CAMTA1: variants seen among roughly 807,000 people sequenced by gnomAD.
CAMTA1 encodes the protein calmodulin binding transcription activator 1, also known as calmodulin-binding transcription activator 1.
CAMTA1 carries 27 observed loss-of-function variants against 170.9 expected under a neutral mutation model. That is an observed-to-expected ratio of 0.16 (90% CI 0.12 to 0.22). The LOEUF is 0.22. Ranked by LOEUF, CAMTA1 falls within the 10% of genes least tolerant of loss-of-function variation. The probability of loss-of-function intolerance (pLI) is 1.00; values close to 1 mark genes in which losing one functional copy is unlikely to be tolerated. For synonymous variants in CAMTA1, 833 were observed against 891.5 expected (o/e 0.93, Z 1.17); for missense variants, 1,619 against 2,217.2 (o/e 0.73, Z 5.42).
chr1:6,836,880 G>A (rs1383717118), intron 3 of CAMTA1, among the ~76,000 whole-genome samples: 2 of 152,086 alleles, frequency 1.3e-5, no homozygotes, highest in East Asian at 1.9e-4. Flanking sequence ...CCCAGGCCAA[G>A]CCTCTTGAGG....
intron 6 of CAMTA1, among the ~76,000 whole-genome samples, chr1:7,499,654 T>C (rs1452469124): frequency 7.0e-6 from 1 of 142,564 alleles, no homozygotes; most frequent in Non-Finnish European, 1.5e-5. Flanking sequence ...TGCATGTGTA[T>C]GTGAGTGTGT....
intron 3 of CAMTA1, among the ~76,000 whole-genome samples, chr1:6,967,925 A>G (rs531261918): frequency 7.2e-5 from 11 of 152,256 alleles, no homozygotes; most frequent in South Asian, 6.2e-4. Flanking sequence ...CTATGTAAAT[A>G]TTTCTGAGGT....
At chr1:7,421,155 C>CTT (rs751377531) in intron 5 of CAMTA1, among the ~76,000 whole-genome samples, 6 of 144,308 alleles carry the variant, frequency 4.2e-5, no homozygotes, top group African/African-American at 7.6e-5. Flanking sequence ...TTCTTTCTTT[C>CTT]TTTTTTTTTT....
At chr1:7,260,533 G>T (rs527430815) in intron 5 of CAMTA1, among the ~76,000 whole-genome samples, 1 of 152,342 alleles carries the variant, frequency 6.6e-6, no homozygotes, top group East Asian at 1.9e-4. Context: ...TGTAGAGAGG[G>T]CAGGGCTAGT....
At chr1:6,912,081 C>G (rs1322789625) in intron 3 of CAMTA1, among the ~76,000 whole-genome samples, 1 of 152,126 alleles carries the variant, frequency 6.6e-6, no homozygotes, top group African/African-American at 2.4e-5. Context: ...GTGGGTGGCT[C>G]TAGTGTGACA....
rs116122576 is a variant in CAMTA1 at position 7,116,103 on chromosome 1, G to T, written c.302+24732G>T. On this transcript the variant is annotated intron_variant, in intron 4 of 22. Transcript: ENST00000303635. ...TCAACCCTCATGCCCTCCTGAGTCT[G>T]CAAGCCTCTCTCCTTATTAACTTTA... Among the ~76,000 whole-genome samples, 888 of 152,208 alleles carry T rather than the reference G, an allele frequency of 5.8e-3. 7 individuals carry two copies. Among genetic ancestry groups the T allele is most frequent in the African/African-American group, 0.02 (850 of 41,542 alleles).
intron 3 of CAMTA1, among the ~76,000 whole-genome samples, chr1:7,004,353 A>G (rs553366528): frequency 6.6e-6 from 1 of 152,334 alleles, no homozygotes; most frequent in East Asian, 1.9e-4. Flanking sequence ...TGGGTCTGGA[A>G]CCTGAAAGTG....
At position 6,893,951 on chromosome 1, in the gene CAMTA1, G is replaced by A. The variant is rs754450057; in HGVS notation, c.234+68741G>A. Among the ~76,000 whole-genome samples the A allele has an allele frequency of 1.5e-3, 225 of 152,324 alleles. 3 individuals carry two copies. The highest frequency in any genetic ancestry group is 5.9e-4 in the Non-Finnish European group (40 of 68,030). On this transcript the variant is annotated intron_variant, in intron 3 of 22. Coordinates refer to ENST00000303635, the MANE Select transcript of CAMTA1 (RefSeq NM_015215.4). ...ATTAGTGTCTTTCAGCTGTAGATGG[G>A]CACTTCTTTCCTTTCCTTTCTCCTC...
intron 5 of CAMTA1, among the ~76,000 whole-genome samples, chr1:7,454,480 G>A (rs2092904528): frequency 6.6e-6 from 1 of 152,234 alleles, no homozygotes; most frequent in South Asian, 2.1e-4. Flanking sequence ...TTGTGATTCA[G>A]TGTCGCGGCC....
At chr1:7,466,393 A>G (rs2093211820) in intron 5 of CAMTA1, among the ~76,000 whole-genome samples, 1 of 152,236 alleles carries the variant, frequency 6.6e-6, no homozygotes, top group South Asian at 2.1e-4. Flanking sequence ...AAGTTCTAAC[A>G]TATTGAAATC....
chr1:7,459,179 G>T (rs1225122820), intron 5 of CAMTA1, among the ~76,000 whole-genome samples: 2 of 152,206 alleles, frequency 1.3e-5, no homozygotes, highest in East Asian at 3.9e-4. Flanking sequence ...GCGGTCAGAT[G>T]ACGCTTGTTT....
At chr1:7,411,791 G>C (rs894569076) in intron 5 of CAMTA1, among the ~76,000 whole-genome samples, 3 of 151,744 alleles carry the variant, frequency 2.0e-5, no homozygotes, top group African/African-American at 7.3e-5. Context: ...AAGTTTTAGG[G>C]TACATGTGCA....
intron 6 of CAMTA1, among the ~76,000 whole-genome samples, chr1:7,604,490 C>T (rs1386387949): frequency 1.3e-5 from 2 of 152,204 alleles, no homozygotes; most frequent in Non-Finnish European, 2.9e-5. Context: ...GAGGCTTGTG[C>T]ATTCATCACA....
In CAMTA1 at chr1:7,561,066, G is replaced by C. The variant is rs1283231213; in HGVS notation, c.511-79334G>C. Among the ~76,000 whole-genome samples the C allele has an allele frequency of 6.6e-6, 1 of 152,148 alleles. No individual in the cohort carries two copies. The highest frequency in any genetic ancestry group is 1.5e-5 in the Non-Finnish European group (1 of 68,028). On this transcript the variant is annotated intron_variant, in intron 6 of 22. Transcript: ENST00000303635. The surrounding 1 kb of genome is among the most constrained non-coding windows in gnomAD (Gnocchi z 5.3). ...CAGGCTCAGGGGGTGACGCTGGGCT[G>C]GGCGCTTCCCATGAGGCAGGATCCT... is the stretch of plus-strand genomic sequence containing the variant.
chr1:7,448,158 C>T (rs2092725437), intron 5 of CAMTA1, among the ~76,000 whole-genome samples: 1 of 152,220 alleles, frequency 6.6e-6, no homozygotes, highest in Admixed American at 6.5e-5. Flanking sequence ...CCTCTCCTTC[C>T]CTGGGCAAAT....
intron 5 of CAMTA1, among the ~76,000 whole-genome samples, chr1:7,306,098 C>T (rs917281520): frequency 6.6e-6 from 1 of 151,988 alleles, no homozygotes; most frequent in Non-Finnish European, 1.5e-5. Flanking sequence ...AAAAGTGTCT[C>T]CTAGAAGAAA....
chr1:7,417,411 G>A (rs916679187), intron 5 of CAMTA1, among the ~76,000 whole-genome samples: 1 of 152,230 alleles, frequency 6.6e-6, no homozygotes, highest in African/African-American at 2.4e-5. Context: ...CTCTTGAGCT[G>A]TGGTGGGCTC....
intron 3 of CAMTA1, chr1:6,874,329 A>G (rs962231437): frequency 6.6e-5 from 10 of 152,418 alleles, no homozygotes; most frequent in East Asian, 5.8e-4. Flanking sequence ...ACCTCTTGCA[A>G]GTGGTCTGAC....
At chr1:6,853,240 TAC>T (rs955868241) in intron 3 of CAMTA1, 4 of 152,210 alleles carry the variant, frequency 2.6e-5, no homozygotes, top group African/African-American at 9.6e-5. Flanking sequence ...TGGTTTAAAA[TAC>T]ACATAGAATT....
Sources: allele counts gnomAD v4.1 joint callset (sites outside exome capture counted in the v4.1 genomes callset), GRCh38; gene constraint gnomAD v4.1.1; non-coding constraint Gnocchi (gnomAD v3.1); transcripts MANE v1.5; gene names NCBI Gene and HGNC (gene_info 2026-07-23, HGNC 2026-07-21).